SLC66A1: variants seen among roughly 807,000 people sequenced by gnomAD.
The protein encoded by SLC66A1 is solute carrier family 66 member 1.
Under a neutral mutation model 33.0 loss-of-function variants are expected in SLC66A1, and 23 were observed. The observed-to-expected ratio is 0.70, with a 90% CI of 0.50 to 0.99. SLC66A1 has a LOEUF of 0.99. Ranked by LOEUF, SLC66A1 falls within the 50% of genes least tolerant of loss-of-function variation. SLC66A1 has a pLI of 0.00. For missense variants in SLC66A1, 335 were observed against 383.6 expected (o/e 0.87, Z 1.06); for synonymous variants, 164 against 175.5 (o/e 0.93, Z 0.52).
intron 6 of SLC66A1, 134 bp from the exon 7 acceptor site, chr1:19,327,093 A>G (rs2152015353): frequency 1.1e-6 from 1 of 922,946 alleles, no homozygotes; most frequent in East Asian, 2.5e-5. Flanking sequence ...TCGGGCCCAT[A>G]TCCCTGGGCA....
the SLC66A1 span, among the ~76,000 whole-genome samples, chr1:19,334,317 C>G: frequency 6.6e-6 from 1 of 152,248 alleles, no homozygotes. Context: ...GAACTGTATA[C>G]TTTAGATACA....
chr1:19,320,892 T>C (rs1430510654), intron 2 of SLC66A1, among the ~76,000 whole-genome samples: 1 of 149,522 alleles, frequency 6.7e-6, no homozygotes, highest in Non-Finnish European at 1.5e-5. Context: ...TTTGTATTTT[T>C]AGTAGAGACA....
chr1:19,333,531 C>A (rs1209685469), downstream of SLC66A1, among the ~76,000 whole-genome samples: 1 of 152,148 alleles, frequency 6.6e-6, no homozygotes, highest in East Asian at 1.9e-4. This position sits in a 1 kb window ranked among gnomAD's most constrained non-coding sequence, Gnocchi z 4.2. Context: ...AAAGCCACAA[C>A]CTTCACCACT....
At chr1:19,315,870 G>T (rs2093802412) in intron 1 of SLC66A1, among the ~76,000 whole-genome samples, 1 of 152,166 alleles carries the variant, frequency 6.6e-6, no homozygotes, top group African/African-American at 2.4e-5. Flanking sequence ...TAGTTTCCTG[G>T]CTGGGTGGCG....
intron 2 of SLC66A1, among the ~76,000 whole-genome samples, chr1:19,321,394 G>T (rs1423060338): frequency 3.4e-5 from 5 of 148,260 alleles, no homozygotes; most frequent in African/African-American, 5.2e-5. Flanking sequence ...TGTCCAGGCT[G>T]GTCTCAAACT....
intron 5 of SLC66A1, 72 bp downstream of exon 5, chr1:19,326,459 A>C: frequency 6.2e-7 from 1 of 1,612,402 alleles, no homozygotes; most frequent in Non-Finnish European, 8.5e-7. Flanking sequence ...GCACAGCCTC[A>C]TGGGTGCTAA....
intron 3 of SLC66A1, 73 bp from the exon 4 acceptor site, chr1:19,325,422 A>G: frequency 1.9e-6 from 2 of 1,078,440 alleles, no homozygotes; most frequent in Non-Finnish European, 2.8e-6. Flanking sequence ...CTGGGATATG[A>G]CAGAGGGCTG....
chr1:19,324,925 CTG>C lies in SLC66A1; in HGVS notation c.294+166_294+167del, dbSNP rs1569785881. Among the ~76,000 whole-genome samples, 4 of 152,380 alleles carry C rather than the reference CTG, an allele frequency of 2.6e-5. No individual in the cohort carries two copies. In the East Asian group the frequency reaches 7.7e-4, roughly 29 times the overall value. ...CATCCTTCTGTCTGCCGAACTGTGACTGTGGGCAGGTCACTGCTCTTCTCTGG... is the reference window on the plus strand; with the variant it reads ...CATCCTTCTGTCTGCCGAACTGTGACTGGGCAGGTCACTGCTCTTCTCTGG... On this transcript the variant is annotated intron_variant, in intron 3 of 7. Transcript: ENST00000375153.
chr1:19,319,935 C>T (rs1462349779), intron 2 of SLC66A1, among the ~76,000 whole-genome samples: 1 of 150,450 alleles, frequency 6.6e-6, no homozygotes, highest in Non-Finnish European at 1.5e-5. Flanking sequence ...TCACTCTGGT[C>T]CCCCAGGCTG....
intron 2 of SLC66A1, among the ~76,000 whole-genome samples, chr1:19,322,103 G>A (rs192303892): frequency 1.3e-5 from 2 of 152,234 alleles, no homozygotes; most frequent in Admixed American, 6.5e-5. Flanking sequence ...GACAGAGAGA[G>A]AGTGGAGGCA....
chr1:19,321,198 C>T (rs565447778), intron 2 of SLC66A1, among the ~76,000 whole-genome samples: 17 of 93,292 alleles, frequency 1.8e-4, no homozygotes, highest in South Asian at 1.6e-3. Context: ...TTTTGAGACA[C>T]GGTCATACTC....
downstream of SLC66A1, among the ~76,000 whole-genome samples, chr1:19,332,744 T>C (rs761001950): frequency 1.3e-5 from 2 of 152,202 alleles, no homozygotes; most frequent in Non-Finnish European, 2.9e-5. Context: ...TCTCCCTGGC[T>C]TACACCTCCT....
chr1:19,326,197 G>A (rs371094623), intron 4 of SLC66A1, 48 bp from the exon 5 acceptor site: 165 of 1,558,638 alleles, frequency 1.1e-4, no homozygotes, highest in Non-Finnish European at 1.3e-4. Context: ...CCCGACAACC[G>A]CTGCCACTCA....
intron 1 of SLC66A1, among the ~76,000 whole-genome samples, chr1:19,316,292 C>T (rs191758105): frequency 6.6e-6 from 1 of 152,126 alleles, no homozygotes; most frequent in East Asian, 1.9e-4. Context: ...TCATGCAACC[C>T]CGGGGATCCC....
Position 19,316,213 on chromosome 1 carries a change from T to TC in SLC66A1, c.-78-1380dup, listed in dbSNP as rs1019691409. On this transcript the variant is annotated intron_variant, in intron 1 of 7. Coordinates refer to ENST00000375153, the MANE Select transcript of SLC66A1 (RefSeq NM_001040125.2). ...GCTGTGGACTCCCTGCTGTTAGGCATCCCCCCCACACTCTGTGAGCTCCTG... is the reference window on the plus strand; with the variant it reads ...GCTGTGGACTCCCTGCTGTTAGGCATCCCCCCCCACACTCTGTGAGCTCCTG... Among the ~76,000 whole-genome samples the TC allele has an allele frequency of 1.3e-3, 202 of 152,114 alleles. 1 individual carries two copies. The highest frequency in any genetic ancestry group is 4.2e-3 in the African/African-American group (175 of 41,464).
chr1:19,321,009 G>A (rs993479650), intron 2 of SLC66A1, among the ~76,000 whole-genome samples: 1 of 149,652 alleles, frequency 6.7e-6, no homozygotes, highest in Non-Finnish European at 1.5e-5. Flanking sequence ...CACCCTGCTC[G>A]GCCGTCTTTT....
chr1:19,313,984 A>T (rs917873124), intron 1 of SLC66A1, among the ~76,000 whole-genome samples: 1 of 151,982 alleles, frequency 6.6e-6, no homozygotes, highest in Non-Finnish European at 1.5e-5. Context: ...AGGTGCACTG[A>T]CTCCAAATTT....
At chr1:19,321,390 G>A (rs72651455) in intron 2 of SLC66A1, among the ~76,000 whole-genome samples, 32,749 of 148,120 alleles carry the variant, frequency 0.22, 4,525 homozygotes, top group South Asian at 0.33. Context: ...GTATTGTCCA[G>A]GCTGGTCTCA....
At chr1:19,313,562 C>A (rs916551511) in intron 1 of SLC66A1, among the ~76,000 whole-genome samples, 1 of 151,922 alleles carries the variant, frequency 6.6e-6, no homozygotes, top group African/African-American at 2.4e-5. Flanking sequence ...CCAGCCAGCT[C>A]TCATGGGGCA....
Sources: allele counts gnomAD v4.1 joint callset (sites outside exome capture counted in the v4.1 genomes callset), GRCh38; gene constraint gnomAD v4.1.1; non-coding constraint Gnocchi (gnomAD v3.1); transcripts MANE v1.5; gene names NCBI Gene and HGNC (gene_info 2026-07-23, HGNC 2026-07-21).